Variants in XRCC5 observed in about 807,000 individuals in gnomAD.
XRCC5 encodes the protein DNA repair protein Ku80.
In XRCC5, 12 loss-of-function variants were observed where a neutral mutation model predicts 95.7. The ratio of observed to expected loss-of-function variants is 0.13; its 90% CI spans 0.08 to 0.20. The LOEUF (loss-of-function observed/expected upper bound fraction) is 0.20, where lower values mean the gene tolerates loss of function less well. Ranked by LOEUF, XRCC5 falls within the 10% of genes least tolerant of loss-of-function variation. The pLI is 1.00. For missense variants in XRCC5, 595 were observed against 873.9 expected, an observed-to-expected ratio of 0.68 and a Z score of 4.02; for synonymous variants, 281 against 290.3, an observed-to-expected ratio of 0.97 and a Z score of 0.33.
At chr2:216,137,260 T>A in intron 11 of XRCC5, 35 bp downstream of exon 11, 1 of 1,596,520 alleles carries the variant, frequency 6.3e-7, no homozygotes, top group East Asian at 2.2e-5. Flanking sequence ...TTTTTTTTCT[T>A]CAGTTCCTTT....
intron 3 of XRCC5, 115 bp from the exon 4 acceptor site, chr2:216,117,631 A>G (rs545740431): frequency 1.5e-3 from 1,457 of 993,282 alleles, no homozygotes; most frequent in Non-Finnish European, 2.1e-3. Flanking sequence ...CAAGTACTTT[A>G]AGTCATCACA....
chr2:216,190,101 G>A (rs1259138207), intron 16 of XRCC5, 124 bp from the exon 17 acceptor site: 2 of 653,132 alleles, frequency 3.1e-6, no homozygotes, highest in African/African-American at 3.7e-5. Context: ...AAGAAGTATG[G>A]CAATTGTGCT....
intron 16 of XRCC5, among the ~76,000 whole-genome samples, chr2:216,180,766 C>G (rs1689370975): frequency 6.6e-6 from 1 of 151,780 alleles, no homozygotes; most frequent in Admixed American, 6.6e-5. Context: ...GGGACTTTCT[C>G]CAGAAATAAG....
chr2:216,153,954 C>T (rs991324716), intron 14 of XRCC5, among the ~76,000 whole-genome samples: 4 of 152,224 alleles, frequency 2.6e-5, no homozygotes, highest in African/African-American at 9.6e-5. Flanking sequence ...TCCTTTCCAA[C>T]CCCTCTTCAT....
chr2:216,160,228 C>A, intron 15 of XRCC5, 67 bp downstream of exon 15: 4 of 1,094,932 alleles, frequency 3.7e-6, no homozygotes, highest in Admixed American at 2.4e-5. Context: ...GAGAGTGCAT[C>A]AATTTTTGTT....
intron 14 of XRCC5, 100 bp from the exon 15 acceptor site, chr2:216,159,967 CT>C: frequency 5.2e-6 from 3 of 581,298 alleles, no homozygotes; most frequent in South Asian, 5.9e-5. Context: ...TCTTCTTCTT[CT>C]TTTTTCTTTT....
chr2:216,145,808 T>G, intron 13 of XRCC5, among the ~76,000 whole-genome samples: 1 of 152,220 alleles, frequency 6.6e-6, no homozygotes, highest in East Asian at 1.9e-4. Context: ...TTGGGTAGGA[T>G]ACTTGTCCAT....
chr2:216,120,201 CTTACTGAGTTGAG>C (rs1185513811), intron 5 of XRCC5, among the ~76,000 whole-genome samples: 1 of 152,232 alleles, frequency 6.6e-6, no homozygotes, highest in African/African-American at 2.4e-5. Context: ...AGTGACACTT[CTTACTGAGTTGAG>C]GTTTTTCTCA....
rs1281134764 is a variant in XRCC5, at chr2:216,205,184, A to T, written c.2185-4A>T. ...CTTTCTAAGTGTGTTGTTCTTGTTC[A>T]CAGTTGGACATGATATAGGTCGTGG... On this transcript the variant is annotated splice_polypyrimidine_tract_variant and splice_region_variant and intron_variant, in intron 20 of 20. Transcript: ENST00000392132. 1 of 1,613,920 alleles carries T rather than the reference A, an allele frequency of 6.2e-7. No homozygotes were observed. Among genetic ancestry groups the T allele is most frequent in the South Asian group, 1.1e-5 (1 of 91,068 alleles).
chr2:216,153,611 A>C (rs1688788723), intron 14 of XRCC5, among the ~76,000 whole-genome samples: 1 of 152,236 alleles, frequency 6.6e-6, no homozygotes, highest in African/African-American at 2.4e-5. Flanking sequence ...CATCCTATGA[A>C]GTAGATTCTT....
intron 18 of XRCC5, 141 bp downstream of exon 18, chr2:216,192,876 C>T (rs41296747): frequency 1.2e-5 from 7 of 570,210 alleles, no homozygotes; most frequent in Non-Finnish European, 2.0e-5. Context: ...TTCTACATGG[C>T]TTTGGGAAAT....
intron 6 of XRCC5, among the ~76,000 whole-genome samples, chr2:216,122,904 A>G (rs761194181): frequency 2.5e-4 from 38 of 152,234 alleles, no homozygotes; most frequent in Non-Finnish European, 4.7e-4. Flanking sequence ...GCTAGAGACT[A>G]TGGAAGAGAC....
At chr2:216,193,527 A>G (rs1381989989) in intron 18 of XRCC5, among the ~76,000 whole-genome samples, 2 of 152,244 alleles carry the variant, frequency 1.3e-5, no homozygotes, top group African/African-American at 4.8e-5. Flanking sequence ...GCAACTCTTC[A>G]TCACACAGGT....
chr2:216,199,312 A>T (rs1206176902), intron 19 of XRCC5, among the ~76,000 whole-genome samples: 1 of 152,254 alleles, frequency 6.6e-6, no homozygotes, highest in Non-Finnish European at 1.5e-5. Flanking sequence ...TTACATTTGT[A>T]TAACATCTTA....
At chr2:216,138,062 G>T in intron 11 of XRCC5, 27 bp from the exon 12 acceptor site, 2 of 1,555,980 alleles carry the variant, frequency 1.3e-6, no homozygotes. Context: ...CATCGTTTCT[G>T]CTTTTACCCC....
In XRCC5 at chr2:216,113,073, A is replaced by G. The variant is rs1696617067; in HGVS notation, c.79A>G (p.Ile27Val). Residue 27 changes from isoleucine (I) to valine (V), a missense_variant, in exon 2 of 21, where the codon ATA becomes GTA. Transcript: ENST00000392132. Reference sequence around the variant, plus strand: ...TACCATGAGTAACTCCATTCCTGGTATAGAATCCCCATTTGAACAAGCAAA... The same window carrying G: ...TACCATGAGTAACTCCATTCCTGGTGTAGAATCCCCATTTGAACAAGCAAA... ...GFTMSNSIPG[I>V]ESPFEQAKKV... 2 of 1,614,018 alleles carry G rather than the reference A, an allele frequency of 1.2e-6. No homozygotes were observed. Among genetic ancestry groups the G allele is most frequent in the African/African-American group, 1.3e-5 (1 of 74,938 alleles).
At chr2:216,173,510 A>G (rs1399309361) in intron 16 of XRCC5, among the ~76,000 whole-genome samples, 2 of 152,172 alleles carry the variant, frequency 1.3e-5, no homozygotes, top group Non-Finnish European at 2.9e-5. Context: ...ATATTAATTG[A>G]CTTATAGTTG....
intron 15 of XRCC5, among the ~76,000 whole-genome samples, chr2:216,160,480 T>A (rs1559251742): frequency 6.6e-6 from 1 of 152,078 alleles, no homozygotes; most frequent in Non-Finnish European, 1.5e-5. Flanking sequence ...ATAGGATAAG[T>A]GGGGGTTAGT....
At chr2:216,129,315 T>C (rs546167109) in intron 8 of XRCC5, among the ~76,000 whole-genome samples, 5 of 152,320 alleles carry the variant, frequency 3.3e-5, no homozygotes, top group African/African-American at 1.2e-4. Flanking sequence ...CCTAATCAGC[T>C]AGAGGTTTTT....
Sources: gnomAD v4.1 joint callset for allele counts (sites outside exome capture counted in the v4.1 genomes callset) on GRCh38, gnomAD v4.1.1 for gene constraint, MANE v1.5 for transcripts, NCBI Gene and HGNC (gene_info 2026-07-23, HGNC 2026-07-21) for gene names.